Variants in SLC35A5 observed in about 807,000 individuals in gnomAD.
SLC35A5 encodes the protein UDP-sugar transporter protein SLC35A5.
Under a neutral mutation model 36.3 loss-of-function variants are expected in SLC35A5, and 28 were observed. The ratio of observed to expected loss-of-function variants is 0.77; its 90% CI spans 0.57 to 1.06. The LOEUF is 1.06. Among genes scored for constraint, SLC35A5 ranks in the 50% least tolerant of loss-of-function variants. The pLI is 0.00. For synonymous variants in SLC35A5, 180 were observed against 173.7 expected (o/e 1.04, Z -0.29); for missense variants, 521 against 499.3 (o/e 1.04, Z -0.41).
At chr3:112,566,913 G>A (rs976077830) in intron 2 of SLC35A5, among the ~76,000 whole-genome samples, 1 of 152,184 alleles carries the variant, frequency 6.6e-6, no homozygotes, top group Non-Finnish European at 1.5e-5. Flanking sequence ...AGGGCAGTAA[G>A]CCAGTTAGTA....
At chr3:112,567,561 T>C (rs1934256082) in intron 2 of SLC35A5, among the ~76,000 whole-genome samples, 1 of 152,202 alleles carries the variant, frequency 6.6e-6, no homozygotes, top group South Asian at 2.1e-4. Context: ...TGCCTCGGCC[T>C]CCCAAAGTGC....
At chr3:112,565,148 T>A (rs1363155261) in intron 2 of SLC35A5, among the ~76,000 whole-genome samples, 1 of 152,280 alleles carries the variant, frequency 6.6e-6, no homozygotes, top group African/African-American at 2.4e-5. Flanking sequence ...TCAAAGTGCA[T>A]AAGATATAGA....
chr3:112,570,484 T>G, intron 3 of SLC35A5, 56 bp from the exon 4 acceptor site: 1 of 1,538,006 alleles, frequency 6.5e-7, no homozygotes, highest in East Asian at 2.3e-5. Context: ...CAGTGTAATT[T>G]CTCTAAAAAT....
chr3:112,577,060 AAATAG>A (rs150706619), intron 5 of SLC35A5, among the ~76,000 whole-genome samples: 110,078 of 150,066 alleles, frequency 0.73, 45,086 homozygotes, highest in Non-Finnish European at 0.92. Flanking sequence ...CTACAAAATA[AAATAG>A]AATAATTTTT....
intron 2 of SLC35A5, among the ~76,000 whole-genome samples, chr3:112,565,443 A>G (rs537557419): frequency 6.6e-6 from 1 of 152,292 alleles, no homozygotes; most frequent in African/African-American, 2.4e-5. Context: ...AAAGCAGGAT[A>G]TGTTGTGAGA....
chr3:112,578,086 T>G, intron 5 of SLC35A5, among the ~76,000 whole-genome samples: 1 of 152,302 alleles, frequency 6.6e-6, no homozygotes, highest in East Asian at 1.9e-4. Context: ...TCTAAACAAT[T>G]TATTTTAACT....
chr3:112,563,358 G>T (rs1934029143), intron 1 of SLC35A5, 27 bp from the exon 2 acceptor site: 1 of 1,416,268 alleles, frequency 7.1e-7, no homozygotes, highest in African/African-American at 1.4e-5. Context: ...CAACAAGGTC[G>T]TTCATGAAAG....
At chr3:112,574,550 G>GAAAA (rs1271345391) in intron 5 of SLC35A5, among the ~76,000 whole-genome samples, 1 of 152,096 alleles carries the variant, frequency 6.6e-6, no homozygotes, top group Non-Finnish European at 1.5e-5. Flanking sequence ...TCTCTTCAAA[G>GAAAA]CAAAAGCCAG....
rs1350511213 is a variant in SLC35A5, at chr3:112,583,978, A to G, written c.*1242A>G. On this transcript the variant is annotated 3_prime_UTR_variant, in exon 7 of 7. Transcript: ENST00000492406. ...GTATGTTTACAGACTACCATACTGT[A>G]AATATGAGCTTTATGGTGTCATTCT... 3 of 152,114 alleles carry G rather than the reference A, an allele frequency of 2.0e-5. No individual in the cohort carries two copies. Among genetic ancestry groups the G allele is most frequent in the Non-Finnish European group, 4.4e-5 (3 of 68,016 alleles). The allele number at this position is 152,114 out of a possible 1,614,324, so 9.4% of individuals were successfully genotyped here. A position where few individuals can be genotyped will look rare whatever the true frequency, so the allele number is the denominator to read the frequency against.
chr3:112,581,814 C>A (rs1338651498), intron 6 of SLC35A5, among the ~76,000 whole-genome samples: 1 of 152,122 alleles, frequency 6.6e-6, no homozygotes, highest in Non-Finnish European at 1.5e-5. Context: ...CCTCAGTCCT[C>A]CCTGTGGTTA....
At chr3:112,569,474 G>A (rs56131839) in intron 3 of SLC35A5, among the ~76,000 whole-genome samples, 1,860 of 152,278 alleles carry the variant, frequency 0.012, 24 homozygotes, top group Non-Finnish European at 0.02. Flanking sequence ...GGGAGGAGCT[G>A]GGACACCAAC....
intron 4 of SLC35A5, among the ~76,000 whole-genome samples, chr3:112,571,182 C>G (rs1934419207): frequency 6.6e-6 from 1 of 152,168 alleles, no homozygotes. Context: ...CATGTCCTCC[C>G]AACTAGAAAT....
At chr3:112,563,697 A>T (rs1356608593) in intron 2 of SLC35A5, among the ~76,000 whole-genome samples, 164 bp downstream of exon 2, 2 of 152,280 alleles carry the variant, frequency 1.3e-5, no homozygotes, top group African/African-American at 4.8e-5. Context: ...ATTCCTCAAC[A>T]AGAAAAAATG....
rs1364205482 is a variant in SLC35A5, at chr3:112,583,900, CA to C, written c.*1165del. The stretch of plus-strand genomic sequence containing the variant: ...AATTAGCAAACAAAAGTGACTTGCT[CA>C]GGGTCATGCAGCTGGGTGATGATAG... On this transcript the variant is annotated 3_prime_UTR_variant, in exon 7 of 7. Coordinates refer to ENST00000492406, the MANE Select transcript of SLC35A5 (RefSeq NM_017945.5). 2 of 152,192 alleles carry C rather than the reference CA, an allele frequency of 1.3e-5. No individual in the cohort carries two copies. Among genetic ancestry groups the C allele is most frequent in the East Asian group, 3.9e-4 (2 of 5,184 alleles). The allele number at this position is 152,192 out of a possible 1,614,324, so 9.4% of individuals were successfully genotyped here.
At chr3:112,573,107 T>C (rs1173020978) in intron 4 of SLC35A5, among the ~76,000 whole-genome samples, 2 of 152,160 alleles carry the variant, frequency 1.3e-5, no homozygotes, top group South Asian at 2.1e-4. Flanking sequence ...AGTGGGTATA[T>C]ATGACTGTTA....
rs1476012901 is a variant in SLC35A5 at position 112,570,682 on chromosome 3, T to C, written c.360+12T>C. 1 of 1,540,426 alleles carries C rather than the reference T, an allele frequency of 6.5e-7. No homozygotes were observed. Among genetic ancestry groups the C allele is most frequent in the Non-Finnish European group, 8.7e-7 (1 of 1,151,082 alleles). ...CCTATCTTCAACCAGTAAGTAAATA[T>C]GAAAAAGAAAATACCATTGAAAAGA... On this transcript the variant is annotated intron_variant, in intron 4 of 6. Transcript: ENST00000492406.
chr3:112,583,922 G>A lies in SLC35A5; in HGVS notation c.*1186G>A, dbSNP rs1356871490. On this transcript the variant is annotated 3_prime_UTR_variant, in exon 7 of 7. Coordinates refer to ENST00000492406, the MANE Select transcript of SLC35A5 (RefSeq NM_017945.5). ...GCTCAGGGTCATGCAGCTGGGTGAT[G>A]ATAGAAGAGTGGGCTTTAACTGGCA... is the stretch of plus-strand genomic sequence containing the variant. The A allele has an allele frequency of 2.6e-5, 4 of 152,148 alleles. No homozygotes were observed. The highest frequency in any genetic ancestry group is 5.9e-5 in the Non-Finnish European group (4 of 68,018). The allele number at this position is 152,148 out of a possible 1,614,324, so 9.4% of individuals were successfully genotyped here. A position where few individuals can be genotyped will look rare whatever the true frequency, so the allele number is the denominator to read the frequency against.
intron 4 of SLC35A5, among the ~76,000 whole-genome samples, chr3:112,572,142 C>T (rs1934475021): frequency 1.3e-5 from 2 of 149,620 alleles, no homozygotes; most frequent in African/African-American, 2.5e-5. Context: ...CGGGGTTTCA[C>T]CTTGTTAGCC....
intron 2 of SLC35A5, among the ~76,000 whole-genome samples, chr3:112,568,085 G>C (rs1004667219): frequency 2.0e-5 from 3 of 152,180 alleles, no homozygotes; most frequent in African/African-American, 7.2e-5. Context: ...GACAAACATG[G>C]TCCATTTCTT....
Sources: allele counts gnomAD v4.1 joint callset (sites outside exome capture counted in the v4.1 genomes callset), GRCh38; gene constraint gnomAD v4.1.1; transcripts MANE v1.5; gene names NCBI Gene and HGNC (gene_info 2026-07-23, HGNC 2026-07-21).